FSD1L: variants seen among roughly 807,000 people sequenced by gnomAD.
The protein encoded by FSD1L is FSD1-like protein.
In FSD1L, 45 loss-of-function variants were observed where a neutral mutation model predicts 71.6. That is an observed-to-expected ratio of 0.63 (90% confidence interval 0.49 to 0.81). The LOEUF is 0.81. Ranked by LOEUF, FSD1L falls within the 30% of genes least tolerant of loss-of-function variation. The probability of loss-of-function intolerance (pLI) is 0.00; values close to 1 mark genes in which losing one functional copy is unlikely to be tolerated. For synonymous variants in FSD1L, 197 were observed against 207.2 expected (o/e 0.95, Z 0.42); for missense variants, 561 against 618.1 (o/e 0.91, Z 0.98).
At chr9:105,505,483 A>G (rs543718827) in intron 7 of FSD1L, among the ~76,000 whole-genome samples, 1 of 151,874 alleles carries the variant, frequency 6.6e-6, no homozygotes, top group East Asian at 1.9e-4. Context: ...CTGGTCTCGA[A>G]CTCCTGACCT....
intron 10 of FSD1L, chr9:105,525,597 T>C: frequency 6.2e-7 from 1 of 1,613,014 alleles, no homozygotes; most frequent in Non-Finnish European, 8.5e-7. Context: ...GGAGGAGCTT[T>C]CATCTCCTGA....
intron 7 of FSD1L, among the ~76,000 whole-genome samples, chr9:105,490,825 G>A (rs1299758743): frequency 1.5e-4 from 18 of 123,928 alleles, no homozygotes; most frequent in Non-Finnish European, 2.2e-4. Flanking sequence ...TAGATATGCA[G>A]CGTTATTTCT....
At chr9:105,513,568 T>TA in intron 10 of FSD1L, 1 of 1,516,366 alleles carries the variant, frequency 6.6e-7, no homozygotes, top group Non-Finnish European at 8.8e-7. Flanking sequence ...GTAAAACAGT[T>TA]TCTTAACAGT....
chr9:105,457,201 T>G (rs1830412160), intron 1 of FSD1L, among the ~76,000 whole-genome samples: 1 of 152,194 alleles, frequency 6.6e-6, no homozygotes, highest in African/African-American at 2.4e-5. Context: ...GAGAAACTGA[T>G]AAGTGAGAGG....
chr9:105,510,588 C>T (rs1302878552), intron 9 of FSD1L, among the ~76,000 whole-genome samples: 1 of 152,136 alleles, frequency 6.6e-6, no homozygotes, highest in Non-Finnish European at 1.5e-5. Flanking sequence ...CATATACTTC[C>T]ACTTAAGGTT....
chr9:105,458,863 G>A (rs542970861), intron 1 of FSD1L, among the ~76,000 whole-genome samples: 3 of 152,274 alleles, frequency 2.0e-5, no homozygotes, highest in South Asian at 2.1e-4. Flanking sequence ...GTGACTTCAC[G>A]TAGAGCACAA....
chr9:105,478,344 A>G (rs1831949248), intron 5 of FSD1L, among the ~76,000 whole-genome samples: 1 of 152,228 alleles, frequency 6.6e-6, no homozygotes, highest in Non-Finnish European at 1.5e-5. Flanking sequence ...GAATAGGAAC[A>G]ACGTTAGAAC....
At chr9:105,535,885 C>T (rs1354016204) in intron 12 of FSD1L, among the ~76,000 whole-genome samples, 10 of 152,068 alleles carry the variant, frequency 6.6e-5, no homozygotes, top group African/African-American at 1.9e-4. Context: ...TGTGCCAAAC[C>T]GCATCACACT....
chr9:105,494,790 CA>C (rs1363827907), intron 7 of FSD1L, among the ~76,000 whole-genome samples: 1 of 152,164 alleles, frequency 6.6e-6, no homozygotes, highest in African/African-American at 2.4e-5. Flanking sequence ...GCCTGGGTAC[CA>C]GCAGCGGTGG....
intron 2 of FSD1L, among the ~76,000 whole-genome samples, chr9:105,463,294 G>A (rs2131610262): frequency 6.6e-6 from 1 of 152,212 alleles, no homozygotes; most frequent in East Asian, 1.9e-4. Context: ...TAAGCTCATA[G>A]GTGCTTACAG....
chr9:105,524,603 C>T, intron 10 of FSD1L: 1 of 1,613,914 alleles, frequency 6.2e-7, no homozygotes, highest in Admixed American at 1.7e-5. Flanking sequence ...GGTATTTTCC[C>T]ATGAGCCTCT....
In FSD1L at chr9:105,549,637, CAT is replaced by C. The variant is rs548583626; in HGVS notation, c.*3157_*3158del. On this transcript the variant is annotated 3_prime_UTR_variant, in exon 14 of 14. Coordinates refer to ENST00000481272, the MANE Select transcript of FSD1L (RefSeq NM_001145313.3). ...TTTTTCCCTATGTTATGAAGAGAGA[CAT>C]ATTGGCTTGCTTTAATTTACTTATT... is the stretch of plus-strand genomic sequence containing the variant. 17 of 151,864 alleles carry C rather than the reference CAT, an allele frequency of 1.1e-4. No individual in the cohort carries two copies. The highest frequency in any genetic ancestry group is 2.1e-4 in the Non-Finnish European group (14 of 67,904). The allele number at this position is 151,864 out of a possible 1,614,324, so 9.4% of individuals were successfully genotyped here.
intron 1 of FSD1L, among the ~76,000 whole-genome samples, chr9:105,449,225 A>G (rs968449199): frequency 1.3e-5 from 2 of 152,244 alleles, no homozygotes; most frequent in African/African-American, 4.8e-5. Context: ...GGATCACTTC[A>G]CTGAGGGCAT....
chr9:105,453,676 A>G (rs544715287), intron 1 of FSD1L, among the ~76,000 whole-genome samples: 6 of 152,310 alleles, frequency 3.9e-5, no homozygotes, highest in African/African-American at 1.2e-4. Context: ...TCATTTTTCA[A>G]TTGAACTTGG....
intron 10 of FSD1L, among the ~76,000 whole-genome samples, chr9:105,518,689 A>G (rs1256123008): frequency 6.6e-6 from 1 of 152,218 alleles, no homozygotes; most frequent in African/African-American, 2.4e-5. Flanking sequence ...TATAGCACTA[A>G]ATGCCCACAA....
intron 10 of FSD1L, among the ~76,000 whole-genome samples, chr9:105,518,797 G>T (rs774708399): frequency 2.0e-5 from 3 of 151,974 alleles, no homozygotes; most frequent in Non-Finnish European, 4.4e-5. Context: ...CAGAAGACAA[G>T]AAATAACTAA....
chr9:105,524,574 C>G (rs1835387186), intron 10 of FSD1L: 1 of 1,613,882 alleles, frequency 6.2e-7, no homozygotes, highest in South Asian at 1.1e-5. Flanking sequence ...TTATGGAGCT[C>G]AGTGTTTTAG....
intron 1 of FSD1L, among the ~76,000 whole-genome samples, chr9:105,459,376 G>A (rs1830551092): frequency 6.6e-6 from 1 of 152,180 alleles, no homozygotes. Context: ...CTTAGTTCCA[G>A]CCAGTCCCCA....
At chr9:105,476,516 G>T (rs1178374645) in intron 5 of FSD1L, among the ~76,000 whole-genome samples, 1 of 152,164 alleles carries the variant, frequency 6.6e-6, no homozygotes, top group Non-Finnish European at 1.5e-5. Flanking sequence ...ATAATTCCAT[G>T]TAGTGAGTTA....
Sources: allele counts gnomAD v4.1 joint callset (sites outside exome capture counted in the v4.1 genomes callset), GRCh38; gene constraint gnomAD v4.1.1; transcripts MANE v1.5; gene names NCBI Gene and HGNC (gene_info 2026-07-23, HGNC 2026-07-21).